The following ZRANB1 variants were observed in gnomAD, a reference collection of about 807,000 sequenced individuals.
ZRANB1 encodes the protein ubiquitin thioesterase ZRANB1.
Under a neutral mutation model 80.5 loss-of-function variants are expected in ZRANB1, and 16 were observed. That is an observed-to-expected ratio of 0.20 (90% CI 0.13 to 0.30). The LOEUF is 0.30. Among genes scored for constraint, ZRANB1 ranks in the 10% least tolerant of loss-of-function variants. The probability of loss-of-function intolerance (pLI) is 1.00; values close to 1 mark genes in which losing one functional copy is unlikely to be tolerated. For synonymous variants in ZRANB1, 291 were observed against 293.1 expected, an observed-to-expected ratio of 0.99 and a Z score of 0.07; for missense variants, 576 against 862.6, an observed-to-expected ratio of 0.67 and a Z score of 4.16.
intron 1 of ZRANB1, among the ~76,000 whole-genome samples, chr10:124,965,243 T>C (rs1243355048): frequency 1.3e-5 from 2 of 152,224 alleles, no homozygotes; most frequent in Non-Finnish European, 2.9e-5. Flanking sequence ...TCAAGCTACA[T>C]TGCTGTGAAA....
intron 5 of ZRANB1, among the ~76,000 whole-genome samples, chr10:124,979,173 T>C (rs949940256): frequency 6.6e-6 from 1 of 152,200 alleles, no homozygotes; most frequent in Non-Finnish European, 1.5e-5. Context: ...AAAAATGTTC[T>C]AGGTCTTGAA....
chr10:124,959,769 A>G (rs981370639), intron 1 of ZRANB1, among the ~76,000 whole-genome samples: 3 of 152,184 alleles, frequency 2.0e-5, no homozygotes, highest in African/African-American at 7.2e-5. Context: ...CTAGTGGTCA[A>G]CTTTTGAAAA....
intron 1 of ZRANB1, among the ~76,000 whole-genome samples, chr10:124,953,867 T>C (rs1296848062): frequency 6.6e-6 from 1 of 152,204 alleles, no homozygotes; most frequent in African/African-American, 2.4e-5. Context: ...ACTTTTTAAG[T>C]GCTGGGTTAT....
At chr10:124,957,285 C>G (rs1378895365) in intron 1 of ZRANB1, among the ~76,000 whole-genome samples, 2 of 151,162 alleles carry the variant, frequency 1.3e-5, no homozygotes, top group East Asian at 3.9e-4. Context: ...AAACATTTAT[C>G]TTTTTTAGAG....
At chr10:124,919,613 CTTT>C in the ZRANB1 span, among the ~76,000 whole-genome samples, 3 of 131,590 alleles carry the variant, frequency 2.3e-5, no homozygotes, top group Non-Finnish European at 3.2e-5. Context: ...CCTCCTCCTC[CTTT>C]TTTTTTTTTT....
intron 1 of ZRANB1, among the ~76,000 whole-genome samples, chr10:124,965,177 GT>G (rs2134279838): frequency 6.6e-6 from 1 of 152,336 alleles, no homozygotes; most frequent in East Asian, 1.9e-4. Flanking sequence ...GATGTGTAAG[GT>G]GGGTGGAGGT....
chr10:124,943,896 C>G (rs1951558569), intron 1 of ZRANB1, among the ~76,000 whole-genome samples: 1 of 152,102 alleles, frequency 6.6e-6, no homozygotes, highest in South Asian at 2.1e-4. Context: ...TTAAAAATAC[C>G]ACAAAAATGT....
intron 1 of ZRANB1, among the ~76,000 whole-genome samples, chr10:124,943,559 G>T (rs531099452): frequency 6.6e-6 from 1 of 151,832 alleles, no homozygotes; most frequent in East Asian, 1.9e-4. Context: ...ATATATATGC[G>T]CAAAGTCACT....
intron 1 of ZRANB1, among the ~76,000 whole-genome samples, chr10:124,952,954 T>C (rs1951654062): frequency 6.6e-6 from 1 of 150,544 alleles, no homozygotes; most frequent in Non-Finnish European, 1.5e-5. Flanking sequence ...AGATGGAGTC[T>C]TGCTCTGTCA....
chr10:124,922,936 C>T, the ZRANB1 span, among the ~76,000 whole-genome samples: 6 of 152,212 alleles, frequency 3.9e-5, no homozygotes, highest in South Asian at 2.1e-4. Context: ...GTGGGAGGAT[C>T]GCTTGATCCC....
At chr10:124,967,727 G>T (rs1316376665) in intron 2 of ZRANB1, among the ~76,000 whole-genome samples, 1 of 152,018 alleles carries the variant, frequency 6.6e-6, no homozygotes, top group Non-Finnish European at 1.5e-5. Context: ...GGGTTGGAGA[G>T]ACTGAGACAG....
chr10:124,966,187 C>T (rs1951774037), intron 1 of ZRANB1, among the ~76,000 whole-genome samples: 1 of 152,070 alleles, frequency 6.6e-6, no homozygotes, highest in Admixed American at 6.6e-5. Flanking sequence ...AGGAGGAGCT[C>T]AACACCAGCT....
chr10:124,925,552 C>T, the ZRANB1 span, among the ~76,000 whole-genome samples: 2 of 152,082 alleles, frequency 1.3e-5, no homozygotes, highest in African/African-American at 4.8e-5. Flanking sequence ...GTGTTTTCAC[C>T]TTCTTTATGG....
chr10:124,974,878 T>G (rs1487379202), intron 5 of ZRANB1, among the ~76,000 whole-genome samples: 2 of 152,168 alleles, frequency 1.3e-5, no homozygotes, highest in Non-Finnish European at 2.9e-5. Context: ...GCCCACTGCA[T>G]CCTCCACCTC....
the ZRANB1 span, among the ~76,000 whole-genome samples, chr10:124,926,556 A>G: frequency 6.6e-6 from 1 of 152,338 alleles, no homozygotes; most frequent in East Asian, 1.9e-4. Flanking sequence ...GCGTAGAGCT[A>G]TCATCTGTGA....
At position 124,942,892 on chromosome 10, in the gene ZRANB1, T is replaced by G. The variant is rs753809870; in HGVS notation, c.399T>G (p.Ser133=). The G allele has an allele frequency of 1.5e-5, 25 of 1,614,124 alleles. No individual in the cohort carries two copies. The Admixed American group carries it at 3.7e-4, about 24-fold the overall frequency. ...SGSGSRPVAF[S]VDPCEEYNDR... is the part of the protein sequence containing the mutation. ...CTGGCTCAAGACCAGTTGCTTTTTC[T>G]GTTGATCCTTGTGAGGAATACAATG... The change falls in exon 1 of 9, where the codon TCT becomes TCG. Residue 133 remains serine, a synonymous_variant. Transcript: ENST00000359653.
chr10:124,948,997 A>G (rs898948375), intron 1 of ZRANB1, among the ~76,000 whole-genome samples: 10 of 152,286 alleles, frequency 6.6e-5, no homozygotes, highest in Admixed American at 5.2e-4. Flanking sequence ...CAGGAGAGCC[A>G]GTTTTACTTC....
chr10:124,922,337 T>TATATATA, the ZRANB1 span, among the ~76,000 whole-genome samples: 282 of 34,484 alleles, frequency 8.2e-3, no homozygotes, highest in Admixed American at 0.042. Context: ...TATATATATA[T>TATATATA]TTTTTTTTTA....
intron 1 of ZRANB1, among the ~76,000 whole-genome samples, chr10:124,964,007 TCTC>T (rs1411023948): frequency 2.0e-5 from 3 of 152,238 alleles, no homozygotes; most frequent in East Asian, 1.9e-4. Flanking sequence ...AATAGTCTGT[TCTC>T]CTCATCTTCT....
Sources: gnomAD v4.1 joint callset for allele counts (sites outside exome capture counted in the v4.1 genomes callset) on GRCh38, gnomAD v4.1.1 for gene constraint, MANE v1.5 for transcripts, NCBI Gene and HGNC (gene_info 2026-07-23, HGNC 2026-07-21) for gene names.